Variants in PTGES observed in about 807,000 individuals in gnomAD.
PTGES encodes the protein MGST1-like 1.
In PTGES, 3 loss-of-function variants were observed where a neutral mutation model predicts 11.8. That is an observed-to-expected ratio of 0.25 (90% CI 0.12 to 0.66). PTGES has a LOEUF of 0.66. PTGES is among the 30% of genes least tolerant of loss of function. The probability of loss-of-function intolerance (pLI) is 0.82; values close to 1 mark genes in which losing one functional copy is unlikely to be tolerated. For missense variants in PTGES, 180 were observed against 213.0 expected (o/e 0.85, Z 0.96); for synonymous variants, 94 against 90.4 (o/e 1.04, Z -0.22).
In PTGES at chr9:129,753,009, G is replaced by T; in HGVS notation, c.4C>A (p.Pro2Thr). The change falls in exon 1 of 3, where the codon CCT becomes ACT. Residue 2 changes from proline (P) to threonine (T), a missense_variant. Physicochemically the swap from Pro to Thr is conservative, Grantham distance 38 (BLOSUM62 -1). Transcript: ENST00000340607. MPAHSLVMSSPA... is the reference protein window; with the variant it reads MTAHSLVMSSPA... ...CTGCTCATCACCAGGCTGTGGGCAGGCATCTCTGGCCAGCGCAGCTCAACT... is the reference window on the plus strand; with the variant it reads ...CTGCTCATCACCAGGCTGTGGGCAGTCATCTCTGGCCAGCGCAGCTCAACT... The T allele has an allele frequency of 1.2e-6, 2 of 1,604,498 alleles. No homozygotes were observed. The highest frequency in any genetic ancestry group is 2.2e-5 in the East Asian group (1 of 44,860).
At chr9:129,740,280 G>A (rs896911324) in intron 2 of PTGES, among the ~76,000 whole-genome samples, 6 of 152,180 alleles carry the variant, frequency 3.9e-5, no homozygotes, top group Non-Finnish European at 5.9e-5. Flanking sequence ...GATTGGAACC[G>A]AGTTCTGACT....
Position 129,739,607 on chromosome 9 carries a change from C to G in PTGES, c.*4G>C, listed in dbSNP as rs760065024. On this transcript the variant is annotated 3_prime_UTR_variant, in exon 3 of 3. Transcript: ENST00000340607. The surrounding 1 kb of genome is among the most constrained non-coding windows in gnomAD (Gnocchi z 5.7). Reference sequence around the variant, plus strand: ...CTGGTGGCCAAGGAGGCATCAGCTGCTGGTCACAGGTGGCGGGCCGCTTCC... The same window carrying G: ...CTGGTGGCCAAGGAGGCATCAGCTGGTGGTCACAGGTGGCGGGCCGCTTCC... 1.3e-6 allele frequency: 2 copies of G among 1,549,514 alleles called. No individual in the cohort carries two copies. Among genetic ancestry groups the G allele is most frequent in the East Asian group, 2.4e-5 (1 of 40,890 alleles).
At chr9:129,742,346 A>AAAC (rs1833004840) in intron 2 of PTGES, among the ~76,000 whole-genome samples, 1 of 130,334 alleles carries the variant, frequency 7.7e-6, no homozygotes. Context: ...AAAAAAAAAA[A>AAAC]AAAACATAAA....
intron 1 of PTGES, 32 bp from the exon 2 acceptor site, chr9:129,748,769 T>G: frequency 1.3e-6 from 2 of 1,543,268 alleles, no homozygotes; most frequent in Non-Finnish European, 1.8e-6. Flanking sequence ...TCACTCCTCG[T>G]GAGACAAACG....
chr9:129,748,215 TAAAAAAAAA>T (rs67000610), intron 2 of PTGES, among the ~76,000 whole-genome samples: 2 of 71,030 alleles, frequency 2.8e-5, no homozygotes, highest in Admixed American at 1.7e-4. Context: ...GTTGCCATAT[TAAAAAAAAA>T]AAAAAAAAAA....
chr9:129,746,939 G>A (rs993690107), intron 2 of PTGES, among the ~76,000 whole-genome samples: 1 of 152,188 alleles, frequency 6.6e-6, no homozygotes, highest in African/African-American at 2.4e-5. Flanking sequence ...TTGAGATGGA[G>A]TCTCACTCTA....
intron 2 of PTGES, among the ~76,000 whole-genome samples, chr9:129,748,117 C>T (rs1261619816): frequency 1.4e-5 from 2 of 145,866 alleles, no homozygotes; most frequent in Admixed American, 1.4e-4. Context: ...AAGTTATGGG[C>T]TGTACATTCA....
At position 129,752,980 on chromosome 9, in the gene PTGES, C is replaced by A. The variant is rs370202351; in HGVS notation, c.33G>T (p.Pro11=). Residue 11 remains proline (P), a synonymous_variant, in exon 1 of 3, where the codon CCG becomes CCT. Transcript: ENST00000340607. MPAHSLVMSS[P]ALPAFLLCST... is the part of the protein sequence containing the mutation. Reference sequence around the variant, plus strand: ...TGCAGAGCAGGAAGGCCGGGAGGGCCGGGCTGCTCATCACCAGGCTGTGGG... The same window carrying A: ...TGCAGAGCAGGAAGGCCGGGAGGGCAGGGCTGCTCATCACCAGGCTGTGGG... The A allele has an allele frequency of 2.5e-6, 4 of 1,609,772 alleles. No individual in the cohort carries two copies. Among genetic ancestry groups the A allele is most frequent in the Non-Finnish European group, 3.4e-6 (4 of 1,180,006 alleles).
In PTGES at chr9:129,745,729, T is replaced by C. The variant is rs1283130233; in HGVS notation, c.209+2926A>G. On this transcript the variant is annotated intron_variant, in intron 2 of 2. Coordinates refer to ENST00000340607, the MANE Select transcript of PTGES (RefSeq NM_004878.5). This position sits in a 1 kb window ranked among gnomAD's most constrained non-coding sequence, Gnocchi z 4.2. ...TTCTACCATTTAAACCCCAGTACTG[T>C]AGATGAGGGGTTATTTTGGGCTGGG... Among the ~76,000 whole-genome samples, 1 of 151,998 alleles carries C rather than the reference T, an allele frequency of 6.6e-6. No homozygotes were observed. Among genetic ancestry groups the C allele is most frequent in the Non-Finnish European group, 1.5e-5 (1 of 68,010 alleles).
chr9:129,740,553 T>C (rs1296428482), intron 2 of PTGES, among the ~76,000 whole-genome samples: 6 of 152,232 alleles, frequency 3.9e-5, no homozygotes, highest in Non-Finnish European at 8.8e-5. Context: ...CTCTTCATTT[T>C]ACACATCCTT....
chr9:129,750,508 C>G (rs2130955252), intron 1 of PTGES, among the ~76,000 whole-genome samples: 1 of 152,290 alleles, frequency 6.6e-6, no homozygotes, highest in African/African-American at 2.4e-5. Flanking sequence ...AGTCCACTGC[C>G]CATGGAGTTG....
intron 2 of PTGES, among the ~76,000 whole-genome samples, chr9:129,744,920 G>T (rs561523658): frequency 7.2e-5 from 11 of 151,996 alleles, no homozygotes; most frequent in Admixed American, 7.2e-4. Flanking sequence ...TGGTGCAGCC[G>T]GAAGGGAGTA....
chr9:129,739,386 C>G lies in PTGES; in HGVS notation c.*225G>C. ...TCTGTCTTGAAATGGTTCCCATCAG[C>G]CACTTCGTGCAGGAATCCAAGGGGC... On this transcript the variant is annotated 3_prime_UTR_variant, in exon 3 of 3. Coordinates refer to ENST00000340607, the MANE Select transcript of PTGES (RefSeq NM_004878.5). This position sits in a 1 kb window ranked among gnomAD's most constrained non-coding sequence, Gnocchi z 5.7. 1 of 590,668 alleles carries G rather than the reference C, an allele frequency of 1.7e-6. No homozygotes were observed. The highest frequency in any genetic ancestry group is 2.9e-6 in the Non-Finnish European group (1 of 343,178). 36.6% of individuals were successfully genotyped at this position (590,668 alleles called of 1,614,324 possible). A position where few individuals can be genotyped will look rare whatever the true frequency, so the allele number is the denominator to read the frequency against.
Position 129,739,428 on chromosome 9 carries a change from A to ACACATG in PTGES, c.*182_*183insCATGTG. Reference sequence around the variant, plus strand: ...CCAAGGGGCTAAGAAACATACACACACACATACACACACACGGGCACACAC... The same window carrying ACACATG: ...CCAAGGGGCTAAGAAACATACACACACACATGCACATACACACACACGGGCACACAC... On this transcript the variant is annotated 3_prime_UTR_variant, in exon 3 of 3. Transcript: ENST00000340607. The surrounding 1 kb of genome is among the most constrained non-coding windows in gnomAD (Gnocchi z 5.7). 1.4e-6 allele frequency: 1 copy of ACACATG among 718,512 alleles called. No individual in the cohort carries two copies. The allele number at this position is 718,512 out of a possible 1,614,324, so 44.5% of individuals were successfully genotyped here. A position where few individuals can be genotyped will look rare whatever the true frequency, so the allele number is the denominator to read the frequency against.
Position 129,739,829 on chromosome 9 carries a change from G to C in PTGES, c.241C>G (p.Pro81Ala). The C allele has an allele frequency of 6.4e-7, 1 of 1,570,566 alleles. No individual in the cohort carries two copies. ...AHRNDMETIY[P>A]FLFLGFVYSF... ...TAGACGAAGCCCAGGAAAAGGAAGGGGTAGATGGTCTCCATGTCGTTCCGG... is the reference window on the plus strand; with the variant it reads ...TAGACGAAGCCCAGGAAAAGGAAGGCGTAGATGGTCTCCATGTCGTTCCGG... Residue 81 changes from proline to alanine, a missense_variant, in exon 3 of 3, where the codon CCC becomes GCC. Transcript: ENST00000340607. The surrounding 1 kb of genome is among the most constrained non-coding windows in gnomAD (Gnocchi z 5.7).
intron 1 of PTGES, among the ~76,000 whole-genome samples, chr9:129,751,952 G>T (rs1372276071): frequency 2.8e-4 from 43 of 152,222 alleles, no homozygotes; most frequent in Admixed American, 2.8e-3. Flanking sequence ...ACCAGCCAAG[G>T]CAGGGAGAAG....
chr9:129,748,792 G>A (rs1394705624), intron 1 of PTGES, 55 bp from the exon 2 acceptor site: 1 of 1,448,424 alleles, frequency 6.9e-7, no homozygotes, highest in Non-Finnish European at 9.5e-7. Flanking sequence ...CCAGTCACCT[G>A]GGGCTATGTT....
rs768313653 is a variant in PTGES, at chr9:129,752,902, C to T, written c.111G>A (p.Val37=). 1.2e-6 allele frequency: 2 copies of T among 1,614,050 alleles called. No individual in the cohort carries two copies. Among genetic ancestry groups the T allele is most frequent in the East Asian group, 4.5e-5 (2 of 44,882 alleles). ...AGGCACATACCTTCTTCCGCAGCCTCACTTGGCCCGTGATGATGGCCACCA... is the reference window on the plus strand; with the variant it reads ...AGGCACATACCTTCTTCCGCAGCCTTACTTGGCCCGTGATGATGGCCACCA... ...MYVVAIITGQ[V]RLRKKAFANP... The change falls in exon 1 of 3, where the codon GTG becomes GTA. Residue 37 remains valine (V), a synonymous_variant. Transcript: ENST00000340607.
intron 2 of PTGES, among the ~76,000 whole-genome samples, chr9:129,748,109 G>C: frequency 6.8e-6 from 1 of 147,680 alleles, no homozygotes; most frequent in South Asian, 2.2e-4. Flanking sequence ...GGTTAGGGAA[G>C]TTATGGGCTG....
Sources: allele counts gnomAD v4.1 joint callset (sites outside exome capture counted in the v4.1 genomes callset), GRCh38; gene constraint gnomAD v4.1.1; non-coding constraint Gnocchi (gnomAD v3.1); transcripts MANE v1.5; gene names NCBI Gene and HGNC (gene_info 2026-07-23, HGNC 2026-07-21).